Variants in TAFAZZIN observed in about 807,000 individuals in gnomAD.
TAFAZZIN encodes tafazzin, phospholipid-lysophospholipid transacylase, also known as protein G4.5.
TAFAZZIN carries 6 observed loss-of-function variants against 27.3 expected under a neutral mutation model. The ratio of observed to expected loss-of-function variants is 0.22; its 90% CI spans 0.12 to 0.43. The LOEUF (loss-of-function observed/expected upper bound fraction) is 0.43, where lower values mean the gene tolerates loss of function less well. Among genes scored for constraint, TAFAZZIN ranks in the 20% least tolerant of loss-of-function variants. The pLI is 1.00. For missense variants in TAFAZZIN, 127 were observed against 244.5 expected, an observed-to-expected ratio of 0.52 and a Z score of 3.21; for synonymous variants, 79 against 96.2, an observed-to-expected ratio of 0.82 and a Z score of 1.04.
chrX:154,419,801 G>C, intron 7 of TAFAZZIN, 55 bp downstream of exon 7: 3 of 1,201,436 alleles, frequency 2.5e-6, no homozygotes, highest in Non-Finnish European at 2.3e-6. Flanking sequence ...AGATGGCCCT[G>C]TGGGCCCCTG....
At chrX:154,419,200 G>A (rs782697477) in intron 5 of TAFAZZIN, 2 of 312,651 alleles carry the variant, frequency 6.4e-6, no homozygotes, top group South Asian at 8.4e-5. Flanking sequence ...TGGAGGAATT[G>A]CCAGGTCAGA....
rs782477047 is a variant in TAFAZZIN at position 154,414,077 on chromosome X, T to G, written c.371-24T>G. On this transcript the variant is annotated intron_variant, in intron 4 of 10. Transcript: ENST00000601016. ...GGAGGTGGCAAAGCCAGGATTTGAA[T>G]CCAGATTGCTCCTTCCTCTGCAGGA... 7 of 1,086,048 alleles carry G rather than the reference T, an allele frequency of 6.4e-6. No homozygotes were observed. In the African/African-American group the frequency reaches 1.3e-4, roughly 20 times the overall value. The allele number at this position is 1,086,048 out of a possible 1,213,427, so 89.5% of individuals were successfully genotyped here.
Position 154,421,045 on chromosome X carries a change from C to A in TAFAZZIN, c.*41C>A. 8.8e-7 allele frequency: 1 copy of A among 1,140,318 alleles called. No individual in the cohort carries two copies. Among genetic ancestry groups the A allele is most frequent in the Non-Finnish European group, 1.2e-6 (1 of 832,474 alleles). The allele number at this position is 1,140,318 out of a possible 1,213,427, so 94.0% of individuals were successfully genotyped here. On this transcript the variant is annotated 3_prime_UTR_variant, in exon 11 of 11. Coordinates refer to ENST00000601016, the MANE Select transcript of TAFAZZIN (RefSeq NM_000116.5). ...TTCTGGATTCTTGGCCCGCACAGAGCTGGGGCTGAGGGATGGACTGATGCT... is the reference window on the plus strand; with the variant it reads ...TTCTGGATTCTTGGCCCGCACAGAGATGGGGCTGAGGGATGGACTGATGCT...
chrX:154,417,524 T>TA (rs2148206331), intron 5 of TAFAZZIN, among the ~76,000 whole-genome samples: 1 of 112,493 alleles, frequency 8.9e-6, no homozygotes, highest in Admixed American at 9.4e-5. Flanking sequence ...GAAGGAAGGG[T>TA]AACCAAAGGA....
chrX:154,420,133 GT>G, intron 8 of TAFAZZIN, 39 bp downstream of exon 8: 2 of 1,210,434 alleles, frequency 1.7e-6, no homozygotes, highest in South Asian at 3.5e-5. Flanking sequence ...GGCATCTGGG[GT>G]GGGGGGCCTG....
Position 154,421,238 on chromosome X carries a change from CT to C in TAFAZZIN, c.*237del, listed in dbSNP as rs2068621641. The C allele has an allele frequency of 2.0e-6, 1 of 491,080 alleles. No homozygotes were observed. The highest frequency in any genetic ancestry group is 3.7e-6 in the Non-Finnish European group (1 of 272,411). 40.5% of individuals were successfully genotyped at this position (491,080 alleles called of 1,213,427 possible). A position where few individuals can be genotyped will look rare whatever the true frequency, so the allele number is the denominator to read the frequency against. On this transcript the variant is annotated 3_prime_UTR_variant, in exon 11 of 11. Transcript: ENST00000601016. ...GAGGAAGAAGCTTAGGCAGGGCTCT[CT>C]TTCCTTCTTGCCTTCAGATGTTCTC...
rs782165373 is a variant in TAFAZZIN, at chrX:154,420,776, C to T, written c.777+41C>T. ...GGTCCCCCGTAGCTGTCCCCGGACC[C>T]CCTGCTGCTGGCTTCCAGCAGGGTG... On this transcript the variant is annotated intron_variant, in intron 10 of 10. Transcript: ENST00000601016. 5.8e-6 allele frequency: 7 copies of T among 1,198,755 alleles called. No individual in the cohort carries two copies. The East Asian group carries it at 1.8e-4, about 30-fold the overall frequency.
rs782359370 is a variant in TAFAZZIN, at chrX:154,411,649, G to C, written c.-195G>C. On this transcript the variant is annotated 5_prime_UTR_variant, in exon 1 of 11. Transcript: ENST00000601016. ...CCCGGCGACCGCTCCCCAGTGACGA[G>C]AGAGCGGGGCCGGGCGCTGCTCCGG... The C allele has an allele frequency of 1.4e-5, 7 of 485,801 alleles. No individual in the cohort carries two copies. In the South Asian group the frequency reaches 1.8e-4, roughly 12 times the overall value. 40.0% of individuals were successfully genotyped at this position (485,801 alleles called of 1,213,427 possible).
intron 5 of TAFAZZIN, among the ~76,000 whole-genome samples, chrX:154,418,126 T>G (rs1557193426): frequency 8.9e-6 from 1 of 111,820 alleles, no homozygotes; most frequent in Non-Finnish European, 1.9e-5. Flanking sequence ...GCTCAATGGA[T>G]AGGTTGCGTC....
chrX:154,419,147 C>A (rs187098649), intron 5 of TAFAZZIN: 2 of 247,394 alleles, frequency 8.1e-6, no homozygotes, highest in Non-Finnish European at 7.4e-6. Flanking sequence ...GTGGCTGAAG[C>A]GGCCCAGCTG....
chrX:154,413,442 G>T (rs1490156258), intron 3 of TAFAZZIN, 40 bp from the exon 4 acceptor site: 1 of 1,207,685 alleles, frequency 8.3e-7, no homozygotes, highest in Non-Finnish European at 1.1e-6. Flanking sequence ...GGTGGAGCGG[G>T]GTGCAGGGGG....
At chrX:154,415,149 C>T (rs2068447700) in intron 5 of TAFAZZIN, among the ~76,000 whole-genome samples, 1 of 109,189 alleles carries the variant, frequency 9.2e-6, no homozygotes, top group South Asian at 4.0e-4. Context: ...GCTGGAGTGC[C>T]GTGGCGTGAT....
chrX:154,414,046 G>A, intron 4 of TAFAZZIN, 55 bp from the exon 5 acceptor site: 1 of 802,843 alleles, frequency 1.2e-6, no homozygotes, highest in South Asian at 2.1e-5. Context: ...CCAAGGTCAT[G>A]GGGTAGGAGG....
chrX:154,419,735 G>C lies in TAFAZZIN; in HGVS notation c.572G>C (p.Arg191Pro). ...GKVNMSSEFL[R>P]FKWGIGRLIA... ...GTGAACATGAGTTCCGAATTCCTGCGTTTCAAGTGGGGTAAGGGCTGCTGG... is the reference window on the plus strand; with the variant it reads ...GTGAACATGAGTTCCGAATTCCTGCCTTTCAAGTGGGGTAAGGGCTGCTGG... The change falls in exon 7 of 11, where the codon CGT becomes CCT. Residue 191 changes from arginine to proline, a missense_variant. Arg to Pro is a moderately radical substitution (Grantham distance 103). Coordinates refer to ENST00000601016, the MANE Select transcript of TAFAZZIN (RefSeq NM_000116.5). The C allele has an allele frequency of 8.2e-7, 1 of 1,212,316 alleles. No individual in the cohort carries two copies. Among genetic ancestry groups the C allele is most frequent in the Non-Finnish European group, 1.1e-6 (1 of 895,597 alleles).
chrX:154,414,007 G>A, intron 4 of TAFAZZIN, 94 bp from the exon 5 acceptor site: 1 of 591,725 alleles, frequency 1.7e-6, no homozygotes, highest in Admixed American at 2.6e-5. Flanking sequence ...TCTCCAGACA[G>A]GGAGGATCAC....
chrX:154,418,938 C>T (rs1192298738), intron 5 of TAFAZZIN: 1 of 116,190 alleles, frequency 8.6e-6, no homozygotes, highest in Non-Finnish European at 1.8e-5. Context: ...AATCTGGGGC[C>T]TAAGCGAGGT....
chrX:154,413,459 T>C, intron 3 of TAFAZZIN, 23 bp from the exon 4 acceptor site: 1 of 1,207,831 alleles, frequency 8.3e-7, no homozygotes, highest in Admixed American at 2.2e-5. Flanking sequence ...GGGGCAGGAC[T>C]AATTGCATCT....
At chrX:154,414,990 GAAAAAAAAAA>G (rs1160162016) in intron 5 of TAFAZZIN, among the ~76,000 whole-genome samples, 1 of 72,747 alleles carries the variant, frequency 1.4e-5, no homozygotes, top group African/African-American at 5.0e-5. Context: ...ACTCCGTCTG[GAAAAAAAAAA>G]AAAAAAAAAG....
chrX:154,413,668 G>C (rs369038299), intron 4 of TAFAZZIN, 101 bp downstream of exon 4: 3 of 851,401 alleles, frequency 3.5e-6, no homozygotes, highest in African/African-American at 2.0e-5. Context: ...TAGGCATCCC[G>C]GGAGCCAACA....
Sources: allele counts gnomAD v4.1 joint callset (sites outside exome capture counted in the v4.1 genomes callset), GRCh38; gene constraint gnomAD v4.1.1; transcripts MANE v1.5; gene names NCBI Gene and HGNC (gene_info 2026-07-23, HGNC 2026-07-21).